RAD51B: variants seen among roughly 807,000 people sequenced by gnomAD.
RAD51B encodes the protein DNA repair protein RAD51 homolog 2.
A neutral mutation model predicts 42.2 loss-of-function variants in RAD51B; 38 were observed. The ratio of observed to expected loss-of-function variants is 0.90; its 90% CI spans 0.70 to 1.18. The LOEUF (loss-of-function observed/expected upper bound fraction) is 1.18. Among genes scored for constraint, RAD51B ranks in the 50% most tolerant of loss-of-function variants. RAD51B has a pLI of 0.00. For synonymous variants in RAD51B, 154 were observed against 145.2 expected (o/e 1.06, Z -0.43); for missense variants, 373 against 400.7 (o/e 0.93, Z 0.59).
At chr14:68,609,062 G>C (rs904406003) in intron 10 of RAD51B, among the ~76,000 whole-genome samples, 2 of 152,090 alleles carry the variant, frequency 1.3e-5, no homozygotes, top group Non-Finnish European at 2.9e-5. Context: ...CCCTTCACCT[G>C]TTCCTTCTCC....
intron 10 of RAD51B, among the ~76,000 whole-genome samples, chr14:68,633,369 T>G (rs1018995835): frequency 3.9e-5 from 6 of 152,074 alleles, no homozygotes; most frequent in African/African-American, 1.4e-4. Flanking sequence ...ATATTTTTTA[T>G]GTGATTTCTT....
chr14:68,491,172 C>T (rs1884043623), intron 10 of RAD51B, among the ~76,000 whole-genome samples: 1 of 152,228 alleles, frequency 6.6e-6, no homozygotes, highest in Admixed American at 6.5e-5. Context: ...AGGCCTGGAG[C>T]CCCAGCCCTG....
At chr14:67,959,536 C>T (rs541532942) in intron 7 of RAD51B, among the ~76,000 whole-genome samples, 58 of 152,150 alleles carry the variant, frequency 3.8e-4, no homozygotes, top group South Asian at 2.9e-3. Flanking sequence ...CATGAGCCAC[C>T]GCACCCGGCC....
At chr14:68,139,864 G>C (rs994370058) in intron 7 of RAD51B, among the ~76,000 whole-genome samples, 7 of 152,274 alleles carry the variant, frequency 4.6e-5, no homozygotes, top group African/African-American at 1.4e-4. Context: ...TTTTTGGCGA[G>C]GACAGGCTCT....
At chr14:68,322,455 T>C (rs1006675847) in intron 8 of RAD51B, among the ~76,000 whole-genome samples, 2 of 152,194 alleles carry the variant, frequency 1.3e-5, no homozygotes, top group Non-Finnish European at 2.9e-5. Flanking sequence ...ATATTGACTG[T>C]CAGGATGTAT....
intron 9 of RAD51B, among the ~76,000 whole-genome samples, chr14:68,445,421 C>T (rs537656017): frequency 5.3e-5 from 8 of 152,228 alleles, no homozygotes; most frequent in African/African-American, 1.9e-4. Context: ...AAGTACTTGA[C>T]CATTTGCTAA....
In RAD51B at chr14:68,668,583, T is replaced by C. The variant is rs913784238; in HGVS notation, c.*11+17727T>C. Among the ~76,000 whole-genome samples the C allele has an allele frequency of 2.6e-5, 4 of 152,338 alleles. No homozygotes were observed. The South Asian group carries it at 8.3e-4, about 32-fold the overall frequency. Reference sequence around the variant, plus strand: ...AGCAATCTTGAAGCCACATTTCAGGTGGCATAACCATTGAGACATGGGGAT... The same window carrying C: ...AGCAATCTTGAAGCCACATTTCAGGCGGCATAACCATTGAGACATGGGGAT... On this transcript the variant is annotated intron_variant, in intron 11 of 11. Coordinates refer to the RAD51B transcript ENST00000488612.
At chr14:67,982,891 C>T (rs879664168) in intron 7 of RAD51B, among the ~76,000 whole-genome samples, 19 of 151,872 alleles carry the variant, frequency 1.3e-4, no homozygotes, top group Non-Finnish European at 1.9e-4. Flanking sequence ...TAGTGAGACA[C>T]GAATATCTAC....
At chr14:68,428,752 TATATATATATATAA>T (rs2084921668) in intron 9 of RAD51B, among the ~76,000 whole-genome samples, 1 of 78,294 alleles carries the variant, frequency 1.3e-5, no homozygotes, top group Non-Finnish European at 2.8e-5. Flanking sequence ...TATATATATA[TATATATATATATAA>T]TTATTATACT....
intron 7 of RAD51B, among the ~76,000 whole-genome samples, chr14:68,119,267 CTTTTTTT>C (rs111645280): frequency 7.4e-6 from 1 of 134,962 alleles, no homozygotes; most frequent in African/African-American, 2.7e-5. Context: ...ATGTTAATTT[CTTTTTTT>C]TTTTTTACAA....
intron 7 of RAD51B, among the ~76,000 whole-genome samples, chr14:67,989,711 GGGGGCAACCCCCCA>G (rs2075260345): frequency 6.6e-6 from 1 of 151,786 alleles, no homozygotes; most frequent in African/African-American, 2.4e-5. Context: ...CAGTGGGTTG[GGGGGCAACCCCCCA>G]CAGGCCACAA....
At chr14:68,677,294 G>A (rs1369154899) in intron 11 of RAD51B, among the ~76,000 whole-genome samples, 4 of 152,196 alleles carry the variant, frequency 2.6e-5, no homozygotes, top group Non-Finnish European at 5.9e-5. Flanking sequence ...TTTGCCCAGT[G>A]ATGGATGCAT....
chr14:68,592,651 T>C (rs955472337), intron 10 of RAD51B, among the ~76,000 whole-genome samples: 1 of 152,202 alleles, frequency 6.6e-6, no homozygotes, highest in Non-Finnish European at 1.5e-5. Context: ...ACATCGATAA[T>C]GGTAACTGCC....
chr14:68,326,997 C>T (rs2082263937), intron 8 of RAD51B, among the ~76,000 whole-genome samples: 1 of 152,148 alleles, frequency 6.6e-6, no homozygotes, highest in South Asian at 2.1e-4. Context: ...CGGTGCACCC[C>T]AGTGGCCCAA....
intron 7 of RAD51B, among the ~76,000 whole-genome samples, chr14:67,950,510 T>C (rs1357651009): frequency 6.6e-6 from 1 of 152,246 alleles, no homozygotes; most frequent in Admixed American, 6.5e-5. Flanking sequence ...ATGTTGTGGC[T>C]GGTTTGGTCT....
Position 68,680,002 on chromosome 14 carries a change from G to A in RAD51B, c.*11+29146G>A, listed in dbSNP as rs187564201. On this transcript the variant is annotated intron_variant, in intron 11 of 11. Transcript: ENST00000488612. ...AAGATAAAAGTGAAACAACAAAGAC[G>A]CATTTTGGAACTTCACTGGTTTTTT... 3.3e-5 allele frequency among the ~76,000 whole-genome samples: 5 copies of A among 152,000 alleles called. No homozygotes were observed. The East Asian group carries it at 7.7e-4, about 23-fold the overall frequency.
intron 7 of RAD51B, among the ~76,000 whole-genome samples, chr14:67,909,228 G>GAA (rs2043883498): frequency 6.6e-6 from 1 of 152,114 alleles, no homozygotes; most frequent in Non-Finnish European, 1.5e-5. Context: ...GAAAACACAT[G>GAA]AAAAACAAAA....
At chr14:68,062,376 C>T (rs1300906298) in intron 7 of RAD51B, among the ~76,000 whole-genome samples, 1 of 152,104 alleles carries the variant, frequency 6.6e-6, no homozygotes, top group Non-Finnish European at 1.5e-5. Context: ...GTGTCCTTGT[C>T]TGGTTTTGGT....
At chr14:68,250,231 T>C (rs977556873) in intron 7 of RAD51B, among the ~76,000 whole-genome samples, 1 of 152,236 alleles carries the variant, frequency 6.6e-6, no homozygotes, top group African/African-American at 2.4e-5. Flanking sequence ...GTCCCCCTCA[T>C]TCGTCCTGTC....
Sources: allele counts gnomAD v4.1 joint callset (sites outside exome capture counted in the v4.1 genomes callset), GRCh38; gene constraint gnomAD v4.1.1; transcripts MANE v1.5; gene names NCBI Gene and HGNC (gene_info 2026-07-23, HGNC 2026-07-21).